Variants in PHKA1 observed in about 807,000 individuals in gnomAD.
PHKA1 encodes phosphorylase kinase regulatory subunit alpha 1, also known as phosphorylase b kinase regulatory subunit alpha, skeletal muscle isoform.
PHKA1 carries 60 observed loss-of-function variants against 110.2 expected under a neutral mutation model. The observed-to-expected ratio is 0.54, with a 90% confidence interval of 0.44 to 0.68. The LOEUF is 0.68. PHKA1 is among the 30% of genes least tolerant of loss of function. The pLI, the probability that PHKA1 is intolerant of heterozygous loss-of-function variation, is 0.00. For missense variants in PHKA1, 801 were observed against 942.5 expected, an observed-to-expected ratio of 0.85 and a Z score of 1.97; for synonymous variants, 316 against 333.6, an observed-to-expected ratio of 0.95 and a Z score of 0.58.
chrX:72,686,222 T>C (rs1230283270), intron 4 of PHKA1, among the ~76,000 whole-genome samples: 1 of 111,884 alleles, frequency 8.9e-6, no homozygotes, highest in East Asian at 2.8e-4. Context: ...TTAGTAATAC[T>C]CTTTCATGAA....
rs200848989 is a variant in PHKA1 at position 72,680,937 on chromosome X, C to T, written c.537+3561G>A. ...AAGTGCCGAGATTGCAGCCTCTGCC[C>T]GGCTGCCACCCCGTCTGGGAAGTGA... On this transcript the variant is annotated intron_variant, in intron 5 of 31. Transcript: ENST00000373542. 0.038 allele frequency among the ~76,000 whole-genome samples: 2,258 copies of T among 59,595 alleles called. 209 individuals are homozygous for T. The East Asian group carries it at 0.5, about 13-fold the overall frequency. 51.8% of individuals were successfully genotyped at this position (59,595 alleles called of 115,157 possible).
rs1433368710 is a variant in PHKA1 at position 72,579,227 on chromosome X, G to GT, written c.*1774dup. The stretch of plus-strand genomic sequence containing the variant: ...TAATGTAGTCAGAAAGCTACTTACT[G>GT]TGTGTTTCCATTTGCTCTGAGAGAA... On this transcript the variant is annotated 3_prime_UTR_variant, in exon 32 of 32. Transcript: ENST00000373542. 8.9e-6 allele frequency: 1 copy of GT among 112,327 alleles called. No homozygotes were observed. Among genetic ancestry groups the GT allele is most frequent in the Non-Finnish European group, 1.9e-5 (1 of 53,331 alleles). The allele number at this position is 112,327 out of a possible 1,213,427, so 9.3% of individuals were successfully genotyped here. A position where few individuals can be genotyped will look rare whatever the true frequency, so the allele number is the denominator to read the frequency against.
At chrX:72,586,170 A>T (rs181356004) in intron 29 of PHKA1, among the ~76,000 whole-genome samples, 390 of 111,805 alleles carry the variant, frequency 3.5e-3, no homozygotes, top group Non-Finnish European at 6.4e-3. Context: ...ACCTCCTACT[A>T]GGGGCTGAAT....
chrX:72,660,747 T>A, intron 8 of PHKA1: 2 of 284,170 alleles, frequency 7.0e-6, no homozygotes, highest in Non-Finnish European at 1.3e-5. Context: ...GATTTAAGGG[T>A]TTCAAAGAAA....
chrX:72,640,892 A>G (rs1556294875), intron 14 of PHKA1, among the ~76,000 whole-genome samples: 1 of 111,420 alleles, frequency 9.0e-6, no homozygotes, highest in African/African-American at 3.3e-5. Flanking sequence ...TCTAAAAGAA[A>G]GTAACAGACT....
At chrX:72,690,696 T>C (rs782199549) in intron 4 of PHKA1, among the ~76,000 whole-genome samples, 10 of 112,493 alleles carry the variant, frequency 8.9e-5, no homozygotes, top group Admixed American at 2.8e-4. Flanking sequence ...CAGACTAATA[T>C]AGTGTTTTAG....
chrX:72,649,723 G>A (rs911221864), intron 13 of PHKA1, among the ~76,000 whole-genome samples: 3 of 111,527 alleles, frequency 2.7e-5, no homozygotes, highest in Admixed American at 1.9e-4. Flanking sequence ...GCCGGGCGCA[G>A]TGGCTCGCGC....
At chrX:72,624,867 G>A (rs1282846933) in intron 17 of PHKA1, among the ~76,000 whole-genome samples, 1 of 111,629 alleles carries the variant, frequency 9.0e-6, no homozygotes, top group African/African-American at 3.3e-5. Context: ...ATTGTGAGAT[G>A]TTCTGCAAAA....
At position 72,584,287 on chromosome X, in the gene PHKA1, C is replaced by T. The variant is rs2052382203; in HGVS notation, c.3259G>A (p.Val1087Ile). The T allele has an allele frequency of 1.7e-6, 2 of 1,208,219 alleles. No homozygotes were observed. The highest frequency in any genetic ancestry group is 1.7e-5 in the African/African-American group (1 of 57,685). ...GAGGAAGGAAGGACAAACCCTTCAACAGAAAGTCCGTGACACTGCAAAACA... is the reference window on the plus strand; with the variant it reads ...GAGGAAGGAAGGACAAACCCTTCAATAGAAAGTCCGTGACACTGCAAAACA... The part of the protein sequence containing the change: ...KVLQKCHGLS[V>I]EGFVLPSSTT... Residue 1087 changes from valine (V) to isoleucine (I), a missense_variant, in exon 30 of 32, where the codon GTT becomes ATT. Physicochemically the swap from Val to Ile is conservative, Grantham distance 29 (BLOSUM62 3). Coordinates refer to ENST00000373542, the MANE Select transcript of PHKA1 (RefSeq NM_002637.4).
chrX:72,608,798 AG>A (rs1371299503), intron 23 of PHKA1, among the ~76,000 whole-genome samples: 1 of 111,501 alleles, frequency 9.0e-6, no homozygotes, highest in Non-Finnish European at 1.9e-5. Context: ...TATTGACAAA[AG>A]TTTTTTTTTA....
At chrX:72,711,918 A>T (rs1261218205) in intron 2 of PHKA1, 1 of 111,041 alleles carries the variant, frequency 9.0e-6, no homozygotes, top group Non-Finnish European at 1.9e-5. Context: ...TTATATTGAT[A>T]CTCGTAAAAT....
intron 25 of PHKA1, among the ~76,000 whole-genome samples, chrX:72,604,991 G>C (rs781821008): frequency 1.8e-5 from 2 of 111,450 alleles, no homozygotes; most frequent in Non-Finnish European, 3.8e-5. Flanking sequence ...ACTCTCCAGA[G>C]TTAGAGAAAT....
At chrX:72,641,053 G>C (rs1426401168) in intron 14 of PHKA1, among the ~76,000 whole-genome samples, 1 of 111,024 alleles carries the variant, frequency 9.0e-6, no homozygotes, top group African/African-American at 3.3e-5. Flanking sequence ...ATAGAAAAAC[G>C]TACAGGTCCC....
chrX:72,592,593 T>C (rs915591537), intron 29 of PHKA1, among the ~76,000 whole-genome samples: 1 of 112,569 alleles, frequency 8.9e-6, no homozygotes, highest in African/African-American at 3.2e-5. Flanking sequence ...CATTATGACT[T>C]TGCATTTATT....
In PHKA1 at chrX:72,589,053, C is replaced by T. The variant is rs184699451; in HGVS notation, c.3243+4051G>A. Among the ~76,000 whole-genome samples the T allele has an allele frequency of 2.0e-4, 22 of 111,200 alleles. No individual in the cohort carries two copies. In the East Asian group the frequency reaches 3.1e-3, roughly 16 times the overall value. ...GAAACTATTCCAATCAATAGAAAGA[C>T]GGAATCCTCTCTAATTCAGTTTATG... On this transcript the variant is annotated intron_variant, in intron 29 of 31. Transcript: ENST00000373542.
At position 72,628,509 on chromosome X, in the gene PHKA1, C is replaced by T. The variant is rs535689962; in HGVS notation, c.1715-1460G>A. 1.7e-3 allele frequency among the ~76,000 whole-genome samples: 178 copies of T among 105,777 alleles called. 3 individuals are homozygous for T. The South Asian group carries it at 0.072, about 43-fold the overall frequency. 91.9% of individuals were successfully genotyped at this position (105,777 alleles called of 115,157 possible). A position where few individuals can be genotyped will look rare whatever the true frequency, so the allele number is the denominator to read the frequency against. On this transcript the variant is annotated intron_variant, in intron 16 of 31. Transcript: ENST00000373542. ...GACAATATTTTATTTTTGTGTCTTG[C>T]AAAGGACAGCTCTCTTCAACCTAAG...
At chrX:72,658,601 G>A (rs1200976519) in intron 8 of PHKA1, among the ~76,000 whole-genome samples, 1 of 111,248 alleles carries the variant, frequency 9.0e-6, no homozygotes, top group African/African-American at 3.3e-5. Context: ...TCTCCTTAGT[G>A]TCCTCCAATC....
intron 5 of PHKA1, among the ~76,000 whole-genome samples, chrX:72,683,825 T>C (rs782535749): frequency 1.2e-4 from 13 of 112,636 alleles, no homozygotes; most frequent in Non-Finnish European, 2.2e-4. Flanking sequence ...TGATGAGTAG[T>C]ATTCTATTTT....
rs566313978 is a variant in PHKA1 at position 72,629,922 on chromosome X, T to C, written c.1715-2873A>G. On this transcript the variant is annotated intron_variant, in intron 16 of 31. Coordinates refer to ENST00000373542, the MANE Select transcript of PHKA1 (RefSeq NM_002637.4). ...GTGATGTATAGAATCTTATCTCCCA[T>C]TAAGGTCCTTACTTTTCCCCATTTA... Among the ~76,000 whole-genome samples, 3 of 112,125 alleles carry C rather than the reference T, an allele frequency of 2.7e-5. No homozygotes were observed. In the East Asian group the frequency reaches 8.4e-4, roughly 31 times the overall value.
Sources: gnomAD v4.1 joint callset for allele counts (sites outside exome capture counted in the v4.1 genomes callset) on GRCh38, gnomAD v4.1.1 for gene constraint, MANE v1.5 for transcripts, NCBI Gene and HGNC (gene_info 2026-07-23, HGNC 2026-07-21) for gene names.